THAP6: variants seen among roughly 807,000 people sequenced by gnomAD.
The protein encoded by THAP6 is THAP domain-containing protein 6.
A neutral mutation model predicts 20.0 loss-of-function variants in THAP6; 13 were observed. The ratio of observed to expected loss-of-function variants is 0.65; its 90% confidence interval spans 0.42 to 1.03. The LOEUF is 1.03. THAP6 is among the 50% of genes least tolerant of loss of function. The pLI, the probability that THAP6 is intolerant of heterozygous loss-of-function variation, is 0.00. For missense variants in THAP6, 262 were observed against 261.6 expected, an observed-to-expected ratio of 1.00 and a Z score of -0.01; for synonymous variants, 93 against 92.2, an observed-to-expected ratio of 1.01 and a Z score of -0.05.
At chr4:75,515,232 G>A (rs1285097663) in intron 1 of THAP6, among the ~76,000 whole-genome samples, 1 of 152,138 alleles carries the variant, frequency 6.6e-6, no homozygotes, top group Admixed American at 6.5e-5. Flanking sequence ...ATCATACTCG[G>A]GGTACACAGC....
Position 75,529,064 on chromosome 4 carries a change from A to G in THAP6, c.*1850A>G. 4.2e-6 allele frequency: 4 copies of G among 941,770 alleles called. No homozygotes were observed. The highest frequency in any genetic ancestry group is 5.1e-6 in the Non-Finnish European group (4 of 790,332). 58.3% of individuals were successfully genotyped at this position (941,770 alleles called of 1,614,324 possible). ...CAAGACTCCATCTCAAAAAAACAAA[A>G]CTACTTTCATTAATTACCCATTATT... On this transcript the variant is annotated 3_prime_UTR_variant, in exon 5 of 5. Coordinates refer to ENST00000311638, the MANE Select transcript of THAP6 (RefSeq NM_144721.6).
chr4:75,521,470 GT>G (rs1173690703), intron 3 of THAP6, among the ~76,000 whole-genome samples: 1 of 151,914 alleles, frequency 6.6e-6, no homozygotes, highest in East Asian at 1.9e-4. Context: ...AGAACACACT[GT>G]TTTAATTATT....
At chr4:75,523,678 T>C (rs1726179484) in intron 4 of THAP6, among the ~76,000 whole-genome samples, 1 of 151,638 alleles carries the variant, frequency 6.6e-6, no homozygotes, top group African/African-American at 2.4e-5. Context: ...TGGTGGCATA[T>C]GCCTACCCAG....
downstream of THAP6, among the ~76,000 whole-genome samples, chr4:75,533,981 A>G (rs373493391): frequency 1.3e-5 from 2 of 151,426 alleles, no homozygotes; most frequent in South Asian, 4.2e-4. Context: ...TCATTGTTCA[A>G]TTCCCACCTA....
rs903909810 is a variant in THAP6, at chr4:75,529,774, C to T, written c.*2560C>T. On this transcript the variant is annotated 3_prime_UTR_variant, in exon 5 of 5. Transcript: ENST00000311638. ...CCAGGAACACATTAATACAACAGTT[C>T]AACCTCAGCACCAAGTCAGGTACGA... The T allele has an allele frequency of 2.0e-6, 2 of 985,264 alleles. No homozygotes were observed. Among genetic ancestry groups the T allele is most frequent in the Non-Finnish European group, 2.4e-6 (2 of 829,926 alleles). The allele number at this position is 985,264 out of a possible 1,614,324, so 61.0% of individuals were successfully genotyped here.
chr4:75,514,081 G>A (rs191488359), upstream of THAP6: 562 of 1,482,382 alleles, frequency 3.8e-4, 1 homozygote, highest in Non-Finnish European at 5.0e-4. Flanking sequence ...AGGTGGAAAA[G>A]GTATCCTGAA....
chr4:75,538,752 C>T (rs1726933655), intron 2 of THAP6, among the ~76,000 whole-genome samples: 1 of 152,212 alleles, frequency 6.6e-6, no homozygotes, highest in South Asian at 2.1e-4. Context: ...CAACTGTCCC[C>T]CTGCTGCCAC....
downstream of THAP6, among the ~76,000 whole-genome samples, chr4:75,532,004 A>G (rs759387496): frequency 3.3e-5 from 5 of 152,270 alleles, no homozygotes; most frequent in East Asian, 1.9e-4. Context: ...CCCAAATCTC[A>G]TATCTTCACA....
chr4:75,521,436 GT>G (rs1726020768), intron 3 of THAP6, among the ~76,000 whole-genome samples: 1 of 151,636 alleles, frequency 6.6e-6, no homozygotes, highest in Non-Finnish European at 1.5e-5. Context: ...CTATTTCTAG[GT>G]TTTTCTGTCT....
chr4:75,516,241 A>G (rs1247881376), intron 2 of THAP6, among the ~76,000 whole-genome samples: 2 of 152,234 alleles, frequency 1.3e-5, no homozygotes, highest in African/African-American at 4.8e-5. Context: ...TTAGGCCTTC[A>G]TATCTCTCAA....
Position 75,528,985 on chromosome 4 carries a change from G to A in THAP6, c.*1771G>A, listed in dbSNP as rs1310493871. On this transcript the variant is annotated 3_prime_UTR_variant, in exon 5 of 5. Coordinates refer to ENST00000311638, the MANE Select transcript of THAP6 (RefSeq NM_144721.6). ...GGAGAATTGCTTGAACCCGGGAGGC[G>A]GAGATTGCAGTGAGCCAAGATCACG... The A allele has an allele frequency of 9.6e-6, 5 of 518,888 alleles. No homozygotes were observed. The highest frequency in any genetic ancestry group is 1.2e-5 in the Non-Finnish European group (5 of 404,442). 32.1% of individuals were successfully genotyped at this position (518,888 alleles called of 1,614,324 possible).
rs1240791873 is a variant in THAP6 at position 75,515,489 on chromosome 4, C to T, written c.37C>T (p.Arg13Cys). 1 of 1,613,942 alleles carries T rather than the reference C, an allele frequency of 6.2e-7. No individual in the cohort carries two copies. The highest frequency in any genetic ancestry group is 1.3e-5 in the African/African-American group (1 of 75,048). Residue 13 changes from arginine (R) to cysteine (C), a missense_variant, in exon 2 of 5, where the codon CGC becomes TGC. Arg to Cys is a radical substitution (Grantham distance 180). Coordinates refer to ENST00000311638, the MANE Select transcript of THAP6 (RefSeq NM_144721.6). ...CTGCTCCGCCATTGGATGTGCTTCT[C>T]GCTGCTTGCCAAATTCGAAGTTAAA... Reference protein sequence around the residue: ...KCCSAIGCASRCLPNSKLKGL... With the variant: ...KCCSAIGCASCCLPNSKLKGL...
At chr4:75,536,968 C>T (rs966696748) in intron 2 of THAP6, among the ~76,000 whole-genome samples, 1 of 151,996 alleles carries the variant, frequency 6.6e-6, no homozygotes, top group Admixed American at 6.5e-5. Context: ...ACAGGGAAAA[C>T]GAGGGTTATT....
At position 75,521,759 on chromosome 4, in the gene THAP6, T is replaced by C; in HGVS notation, c.312T>C (p.Cys104=). The C allele has an allele frequency of 6.2e-7, 1 of 1,612,068 alleles. No individual in the cohort carries two copies. The highest frequency in any genetic ancestry group is 8.5e-7 in the Non-Finnish European group (1 of 1,178,868). ...HLQGKREKLH[C]RKNFTLKTVP... Reference sequence around the variant, plus strand: ...AGGGGAAAAGAGAAAAACTTCATTGTAGAAAAAACTTCACCCTCAAAACCG... The same window carrying C: ...AGGGGAAAAGAGAAAAACTTCATTGCAGAAAAAACTTCACCCTCAAAACCG... The change falls in exon 4 of 5, where the codon TGT becomes TGC. Residue 104 remains cysteine (C), a synonymous_variant. Coordinates refer to ENST00000311638, the MANE Select transcript of THAP6 (RefSeq NM_144721.6).
At chr4:75,545,299 C>T (rs548464859) in intron 3 of THAP6, among the ~76,000 whole-genome samples, 7 of 152,232 alleles carry the variant, frequency 4.6e-5, no homozygotes, top group South Asian at 4.1e-4. Flanking sequence ...CTCTTGTTGA[C>T]GTGGGCATTA....
chr4:75,526,987 C>G lies in THAP6; in HGVS notation c.442C>G (p.Pro148Ala). 6.2e-7 allele frequency: 1 copy of G among 1,613,942 alleles called. No homozygotes were observed. Among genetic ancestry groups the G allele is most frequent in the Non-Finnish European group, 8.5e-7 (1 of 1,179,920 alleles). Residue 148 changes from proline to alanine, a missense_variant, in exon 5 of 5, where the codon CCA becomes GCA. Coordinates refer to ENST00000311638, the MANE Select transcript of THAP6 (RefSeq NM_144721.6). ...ACATAGCTACAGTGTAATGGACAGT[C>G]CAAAGAAACTTAAGCATAAATTAGA... ...FEHSYSVMDS[P>A]KKLKHKLDHV...
rs1364231619 is a variant in THAP6 at position 75,527,671 on chromosome 4, T to G, written c.*457T>G. ...ATTCATTTGTAATGCATATCCATCT[T>G]GGATTCAATCCAAGGTGCTTTAGCT... On this transcript the variant is annotated 3_prime_UTR_variant, in exon 5 of 5. Coordinates refer to ENST00000311638, the MANE Select transcript of THAP6 (RefSeq NM_144721.6). 2.4e-5 allele frequency: 24 copies of G among 994,216 alleles called. No homozygotes were observed. The highest frequency in any genetic ancestry group is 2.8e-5 in the Non-Finnish European group (23 of 834,918). 61.6% of individuals were successfully genotyped at this position (994,216 alleles called of 1,614,324 possible).
chr4:75,534,566 T>C (rs1455499575), downstream of THAP6, among the ~76,000 whole-genome samples: 1 of 152,140 alleles, frequency 6.6e-6, no homozygotes, highest in African/African-American at 2.4e-5. Context: ...ACAAATTGGA[T>C]CTAATGAAAC....
rs1197599774 is a variant in THAP6 at position 75,529,383 on chromosome 4, G to T, written c.*2169G>T. On this transcript the variant is annotated 3_prime_UTR_variant, in exon 5 of 5. Coordinates refer to ENST00000311638, the MANE Select transcript of THAP6 (RefSeq NM_144721.6). ...ATTGCCACAGTCACTTTTACTACTT[G>T]TGTTCATAGTAGACTCAGCACTTCT... 4.1e-6 allele frequency: 4 copies of T among 985,236 alleles called. No individual in the cohort carries two copies. The African/African-American group carries it at 7.0e-5, about 17-fold the overall frequency. 61.0% of individuals were successfully genotyped at this position (985,236 alleles called of 1,614,324 possible).
Sources: gnomAD v4.1 joint callset for allele counts (sites outside exome capture counted in the v4.1 genomes callset) on GRCh38, gnomAD v4.1.1 for gene constraint, MANE v1.5 for transcripts, NCBI Gene and HGNC (gene_info 2026-07-23, HGNC 2026-07-21) for gene names.